HYAL4: variants seen among roughly 807,000 people sequenced by gnomAD.
The protein encoded by HYAL4 is hyaluronidase-4.
Under a neutral mutation model 35.2 loss-of-function variants are expected in HYAL4, and 37 were observed. The ratio of observed to expected loss-of-function variants is 1.05; its 90% CI spans 0.81 to 1.38. The LOEUF (loss-of-function observed/expected upper bound fraction) is 1.38, where lower values mean the gene tolerates loss of function less well. HYAL4 is among the 40% of genes most tolerant of loss of function. The pLI is 0.00. For missense variants in HYAL4, 572 were observed against 572.4 expected (o/e 1.00, Z 0.01); for synonymous variants, 198 against 203.2 (o/e 0.97, Z 0.22).
chr7:123,829,517 A>G (rs1331454294), intron 1 of HYAL4, among the ~76,000 whole-genome samples: 1 of 152,232 alleles, frequency 6.6e-6, no homozygotes, highest in Non-Finnish European at 1.5e-5. Context: ...TCATTGATAC[A>G]GCAATTATTT....
intron 3 of HYAL4, among the ~76,000 whole-genome samples, chr7:123,872,783 G>A (rs1806917550): frequency 6.6e-6 from 1 of 152,124 alleles, no homozygotes; most frequent in Admixed American, 6.5e-5. Flanking sequence ...GCTGCTTTGT[G>A]ATTCATTCAG....
chr7:123,872,834 A>C (rs1006095746), intron 3 of HYAL4, among the ~76,000 whole-genome samples: 8 of 152,196 alleles, frequency 5.3e-5, no homozygotes, highest in Non-Finnish European at 1.0e-4. Context: ...TAATTTGGTG[A>C]GAAACTGATT....
the HYAL4 span, among the ~76,000 whole-genome samples, chr7:123,780,119 G>A: frequency 6.6e-6 from 1 of 152,096 alleles, no homozygotes; most frequent in African/African-American, 2.4e-5. Flanking sequence ...AATAATAATA[G>A]AAATACTAAC....
chr7:123,876,972 A>G lies in HYAL4; in HGVS notation c.1263A>G (p.Ala421=). 6.2e-7 allele frequency: 1 copy of G among 1,614,238 alleles called. No homozygotes were observed. Among genetic ancestry groups the G allele is most frequent in the African/African-American group, 1.3e-5 (1 of 75,066 alleles). The change falls in exon 5 of 5, where the codon GCA becomes GCG. Residue 421 remains alanine, a synonymous_variant. Coordinates refer to ENST00000223026, the MANE Select transcript of HYAL4 (RefSeq NM_012269.3). ...GGGAGTTTACTGTGAAAGGAAAAGC[A>G]TCTGATACAGACCTGGCAGTGATGG... is the stretch of plus-strand genomic sequence containing the variant. ...EDGEFTVKGK[A]SDTDLAVMAD...
intron 1 of HYAL4, among the ~76,000 whole-genome samples, chr7:123,831,230 G>C (rs1444099537): frequency 2.0e-5 from 3 of 152,160 alleles, no homozygotes; most frequent in Non-Finnish European, 2.9e-5. Flanking sequence ...TATAAAGCCA[G>C]GCTACCCCTT....
chr7:123,777,656 A>G, the HYAL4 span, among the ~76,000 whole-genome samples: 2 of 152,140 alleles, frequency 1.3e-5, no homozygotes, highest in Non-Finnish European at 2.9e-5. Context: ...TGATTTCGCT[A>G]TATACTTGTT....
the HYAL4 span, among the ~76,000 whole-genome samples, chr7:123,766,187 T>G: frequency 6.6e-6 from 1 of 152,178 alleles, no homozygotes; most frequent in South Asian, 2.1e-4. Flanking sequence ...TACGCTGGCA[T>G]CTTACCTATT....
At chr7:123,872,529 A>G (rs529789916) in intron 3 of HYAL4, among the ~76,000 whole-genome samples, 1 of 152,246 alleles carries the variant, frequency 6.6e-6, no homozygotes, top group Admixed American at 6.5e-5. Context: ...GAGTAGCCCT[A>G]CCCTCTACTT....
chr7:123,812,901 G>A, the HYAL4 span, among the ~76,000 whole-genome samples: 1 of 152,094 alleles, frequency 6.6e-6, no homozygotes. Context: ...ATAGCTTAGA[G>A]ATTCATCTGG....
At chr7:123,772,284 G>A in the HYAL4 span, among the ~76,000 whole-genome samples, 20 of 152,252 alleles carry the variant, frequency 1.3e-4, no homozygotes, top group South Asian at 4.2e-3. Context: ...CTTGGATTTG[G>A]ATAGAAGTCA....
the HYAL4 span, among the ~76,000 whole-genome samples, chr7:123,765,406 A>G: frequency 3.3e-5 from 5 of 152,282 alleles, no homozygotes; most frequent in African/African-American, 1.2e-4. Flanking sequence ...TTAAAATGTA[A>G]TCTTTAATTA....
chr7:123,776,580 A>G, the HYAL4 span, among the ~76,000 whole-genome samples: 3 of 151,934 alleles, frequency 2.0e-5, no homozygotes, highest in Non-Finnish European at 4.4e-5. Context: ...CGCCTGGCTA[A>G]TTTTTATTTT....
At chr7:123,819,564 A>G in the HYAL4 span, 18 of 152,196 alleles carry the variant, frequency 1.2e-4, no homozygotes, top group Non-Finnish European at 1.8e-4. Flanking sequence ...CAAAAAGTAC[A>G]GGGTCTAACA....
At chr7:123,812,368 A>G in the HYAL4 span, among the ~76,000 whole-genome samples, 1 of 150,952 alleles carries the variant, frequency 6.6e-6, no homozygotes, top group Non-Finnish European at 1.5e-5. Flanking sequence ...TCTCAGCAGC[A>G]TGTAGAAAGA....
At chr7:123,825,296 A>G (rs1805789711), upstream of HYAL4, among the ~76,000 whole-genome samples, 1 of 152,142 alleles carries the variant, frequency 6.6e-6, no homozygotes, top group Non-Finnish European at 1.5e-5. Flanking sequence ...AAACTGTCAC[A>G]TAGACAAAAT....
At chr7:123,846,752 C>G (rs1806182657) in intron 1 of HYAL4, among the ~76,000 whole-genome samples, 1 of 152,096 alleles carries the variant, frequency 6.6e-6, no homozygotes, top group Non-Finnish European at 1.5e-5. Context: ...GCAGCCCTCC[C>G]CAAGGACTCC....
chr7:123,808,886 T>C, the HYAL4 span, among the ~76,000 whole-genome samples: 1 of 152,154 alleles, frequency 6.6e-6, no homozygotes, highest in Non-Finnish European at 1.5e-5. Flanking sequence ...CTGGGGCCTT[T>C]GTAATAAAGG....
rs535017542 is a variant in HYAL4, at chr7:123,848,167, G to T, written c.-52+9G>T. 6.6e-6 allele frequency: 1 copy of T among 152,518 alleles called. No individual in the cohort carries two copies. Among genetic ancestry groups the T allele is most frequent in the Non-Finnish European group, 1.5e-5 (1 of 68,014 alleles). The allele number at this position is 152,518 out of a possible 1,614,324, so 9.4% of individuals were successfully genotyped here. A position where few individuals can be genotyped will look rare whatever the true frequency, so the allele number is the denominator to read the frequency against. On this transcript the variant is annotated intron_variant, in intron 2 of 4. Coordinates refer to ENST00000223026, the MANE Select transcript of HYAL4 (RefSeq NM_012269.3). ...AGCAAACAAAAGCAAAGGTAAAATAGACTTTTTTTTCCTGTTTGTAAAAAT... is the reference window on the plus strand; with the variant it reads ...AGCAAACAAAAGCAAAGGTAAAATATACTTTTTTTTCCTGTTTGTAAAAAT...
At chr7:123,804,961 G>A in the HYAL4 span, among the ~76,000 whole-genome samples, 5 of 152,108 alleles carry the variant, frequency 3.3e-5, no homozygotes, top group Non-Finnish European at 7.4e-5. Context: ...GTGGAGGTGG[G>A]GTCTCCTAAG....
Sources: allele counts gnomAD v4.1 joint callset (sites outside exome capture counted in the v4.1 genomes callset), GRCh38; gene constraint gnomAD v4.1.1; transcripts MANE v1.5; gene names NCBI Gene and HGNC (gene_info 2026-07-23, HGNC 2026-07-21).